The following FCRL5 variants were observed in gnomAD, a reference collection of about 807,000 sequenced individuals.
FCRL5 encodes Fc receptor like 5, also known as Fc receptor-like protein 5.
A neutral mutation model predicts 92.1 loss-of-function variants in FCRL5; 79 were observed. The ratio of observed to expected loss-of-function variants is 0.86; its 90% CI spans 0.72 to 1.03. The LOEUF is 1.03. Among genes scored for constraint, FCRL5 ranks in the 50% least tolerant of loss-of-function variants. The pLI, the probability that FCRL5 is intolerant of heterozygous loss-of-function variation, is 0.00. For missense variants in FCRL5, 1,160 were observed against 1,181.1 expected (o/e 0.98, Z 0.26); for synonymous variants, 466 against 469.3 (o/e 0.99, Z 0.09).
At chr1:157,550,812 C>G (rs12733916) in intron 1 of FCRL5, among the ~76,000 whole-genome samples, 31,797 of 152,088 alleles carry the variant, frequency 0.21, 3,401 homozygotes, top group Middle Eastern at 0.36. Context: ...AGAGAGGACA[C>G]AAAACTGGCA....
rs138414681 is a variant in FCRL5, at chr1:157,544,385, G to T, written c.721C>A (p.Leu241Ile). The change falls in exon 5 of 17, where the codon CTC becomes ATC. Residue 241 changes from leucine to isoleucine, a missense_variant. By Grantham distance (5) the Leu-to-Ile change is conservative. Coordinates refer to ENST00000361835, the MANE Select transcript of FCRL5 (RefSeq NM_031281.3). ...DDQTLGLGWS[L>I]SPNFQITAMW... ...GCAGTAATCTGGAAATTCGGGGAGA[G>T]ACTCCAGCCTAATCCCAGGGTCTGG... 28 of 1,614,086 alleles carry T rather than the reference G, an allele frequency of 1.7e-5. No homozygotes were observed. Among genetic ancestry groups the T allele is most frequent in the Non-Finnish European group, 2.2e-5 (26 of 1,180,054 alleles).
chr1:157,525,347 G>A (rs1650380766), intron 9 of FCRL5, among the ~76,000 whole-genome samples: 1 of 152,202 alleles, frequency 6.6e-6, no homozygotes, highest in African/African-American at 2.4e-5. Flanking sequence ...ATGTGCAAAC[G>A]CCCTGAGTTG....
Position 157,520,534 on chromosome 1 carries a change from G to A in FCRL5, c.2529C>T (p.Asn843=). 1 of 1,583,784 alleles carries A rather than the reference G, an allele frequency of 6.3e-7. No homozygotes were observed. The highest frequency in any genetic ancestry group is 8.6e-7 in the Non-Finnish European group (1 of 1,165,182). Residue 843 remains asparagine (N), a synonymous_variant, in exon 12 of 17, where the codon AAC becomes AAT. Transcript: ENST00000361835. ...VTLYITGLTA[N]RSGPFATGVA... ...CTCCTGTGGCAAAAGGGCCACTTCT[G>A]TTCGCGGTCAGCCCTGAGGGGGAGA...
In FCRL5 at chr1:157,534,652, C is replaced by T. The variant is rs749813766; in HGVS notation, c.1643G>A (p.Gly548Asp). 6.8e-6 allele frequency: 11 copies of T among 1,614,154 alleles called. No homozygotes were observed. Among genetic ancestry groups the T allele is most frequent in the Non-Finnish European group, 7.6e-6 (9 of 1,180,030 alleles). ...NYYCTADNGF[G>D]PQRSEVVSLF... Reference sequence around the variant, plus strand: ...GCTCACCACTTCACTGCGCTGGGGACCAAAGCCATTGTCAGCTGTGCAGTA... The same window carrying T: ...GCTCACCACTTCACTGCGCTGGGGATCAAAGCCATTGTCAGCTGTGCAGTA... Residue 548 changes from glycine (G) to aspartate (D), a missense_variant, in exon 8 of 17, where the codon GGT (glycine) becomes GAT (aspartate). Physicochemically the swap from Gly to Asp is moderately conservative, Grantham distance 94. Transcript: ENST00000361835.
intron 10 of FCRL5, among the ~76,000 whole-genome samples, chr1:157,523,540 T>C (rs1308958949): frequency 6.6e-6 from 1 of 152,250 alleles, no homozygotes; most frequent in East Asian, 1.9e-4. Context: ...ATACTTTTGC[T>C]AAACACCAGT....
intron 7 of FCRL5, 89 bp from the exon 8 acceptor site, chr1:157,534,981 T>G: frequency 7.7e-7 from 1 of 1,295,828 alleles, no homozygotes; most frequent in Non-Finnish European, 1.0e-6. Context: ...CAGTCTCCAG[T>G]ACAGGATCTC....
chr1:157,546,239 G>T (rs1352029149), intron 3 of FCRL5: 1 of 454,014 alleles, frequency 2.2e-6, no homozygotes, highest in Non-Finnish European at 4.4e-6. Context: ...CTTGAGCCCA[G>T]GAGTTCAACA....
Position 157,518,735 on chromosome 1 carries a change from G to A in FCRL5, c.2708C>T (p.Pro903Leu), listed in dbSNP as rs1650047131. ...DSQEPTYHNVPAWEELQPVYT... is the reference protein window; with the variant it reads ...DSQEPTYHNVLAWEELQPVYT... ...CACTGGTTGCAGCTCTTCCCAGGCT[G>A]GTACATTGTGATAGGTGGGCTCTTG... Residue 903 changes from proline to leucine, a missense_variant, in exon 14 of 17, where the codon CCA (proline) becomes CTA (leucine). Physicochemically the swap from Pro to Leu is moderately conservative, Grantham distance 98. Transcript: ENST00000361835. 6.2e-7 allele frequency: 1 copy of A among 1,613,394 alleles called. No individual in the cohort carries two copies. Among genetic ancestry groups the A allele is most frequent in the Admixed American group, 1.7e-5 (1 of 59,972 alleles).
chr1:157,522,281 G>A (rs2101600014), intron 10 of FCRL5: 1 of 152,242 alleles, frequency 6.6e-6, no homozygotes, highest in Admixed American at 6.5e-5. Context: ...AAACATTCAT[G>A]TGTTCTTTCA....
rs1473510796 is a variant in FCRL5, at chr1:157,515,783, T to C, written c.2845-19A>G. On this transcript the variant is annotated intron_variant, in intron 16 of 16. Transcript: ENST00000361835. ...GGGAACCCTAGGAGGCAAGAGCACA[T>C]GCGTGAGGACCAGGGTGGGCCTGGG... 18 of 1,601,802 alleles carry C rather than the reference T, an allele frequency of 1.1e-5. No individual in the cohort carries two copies. The highest frequency in any genetic ancestry group is 1.5e-5 in the Non-Finnish European group (18 of 1,174,234).
At chr1:157,525,767 T>C (rs1211320981) in intron 9 of FCRL5, among the ~76,000 whole-genome samples, 4 of 152,122 alleles carry the variant, frequency 2.6e-5, no homozygotes, top group Non-Finnish European at 1.5e-5. Flanking sequence ...GGAAGAGAAA[T>C]GTTGAGGAAG....
intron 6 of FCRL5, 80 bp downstream of exon 6, chr1:157,542,779 G>T: frequency 6.7e-7 from 1 of 1,484,948 alleles, no homozygotes; most frequent in Non-Finnish European, 9.2e-7. Context: ...ATACTGGAAG[G>T]TATATGCTGA....
At chr1:157,543,594 C>G (rs560999573) in intron 5 of FCRL5, among the ~76,000 whole-genome samples, 4 of 152,314 alleles carry the variant, frequency 2.6e-5, no homozygotes, top group African/African-American at 9.6e-5. Flanking sequence ...TGTCCTGACT[C>G]CTAGTCTGGT....
intron 2 of FCRL5, among the ~76,000 whole-genome samples, chr1:157,548,212 G>C (rs1651647467): frequency 6.6e-6 from 1 of 152,242 alleles, no homozygotes; most frequent in Non-Finnish European, 1.5e-5. Context: ...GAGGGTCAGA[G>C]GGTGACCATG....
intron 10 of FCRL5, chr1:157,521,555 TTAAC>T (rs1650197786): frequency 5.5e-6 from 2 of 361,410 alleles, no homozygotes; most frequent in Non-Finnish European, 9.8e-6. Context: ...TCATTACTAA[TTAAC>T]TAAACACAAA....
intron 8 of FCRL5, among the ~76,000 whole-genome samples, chr1:157,530,554 CAG>C (rs1318229355): frequency 6.6e-6 from 1 of 152,142 alleles, no homozygotes; most frequent in Non-Finnish European, 1.5e-5. Context: ...TCAGTAGAGA[CAG>C]GGTTTCTCCA....
In FCRL5 at chr1:157,518,788, A is replaced by G. The variant is rs1342959308; in HGVS notation, c.2661-6T>C. ...AGTCCGAGTCTGAAGGGCTCCTGTGAGACAGAGAAATGTGAATGTTTCTTA... is the reference window on the plus strand; with the variant it reads ...AGTCCGAGTCTGAAGGGCTCCTGTGGGACAGAGAAATGTGAATGTTTCTTA... On this transcript the variant is annotated splice_polypyrimidine_tract_variant and splice_region_variant and intron_variant, in intron 13 of 16. Transcript: ENST00000361835. 1 of 1,607,018 alleles carries G rather than the reference A, an allele frequency of 6.2e-7. No individual in the cohort carries two copies. Among genetic ancestry groups the G allele is most frequent in the African/African-American group, 1.3e-5 (1 of 74,750 alleles).
chr1:157,547,862 A>C lies in FCRL5; in HGVS notation c.53-665T>G, dbSNP rs145058728. Among the ~76,000 whole-genome samples the C allele has an allele frequency of 7.2e-5, 11 of 152,354 alleles. No homozygotes were observed. The East Asian group carries it at 1.9e-3, about 27-fold the overall frequency. ...CACTCAGAGCCAAAGGAATGGCAGT[A>C]AGAGCCAGAACTAATTAAATGTGGG... On this transcript the variant is annotated intron_variant, in intron 2 of 16. Transcript: ENST00000361835.
At chr1:157,519,973 T>C (rs917677299) in intron 12 of FCRL5, among the ~76,000 whole-genome samples, 5 of 151,962 alleles carry the variant, frequency 3.3e-5, no homozygotes, top group Admixed American at 3.3e-4. Flanking sequence ...GAAACGGGAG[T>C]CCACAATCCG....
Sources: gnomAD v4.1 joint callset for allele counts (sites outside exome capture counted in the v4.1 genomes callset) on GRCh38, gnomAD v4.1.1 for gene constraint, MANE v1.5 for transcripts, NCBI Gene and HGNC (gene_info 2026-07-23, HGNC 2026-07-21) for gene names.